Variants in MON2 observed in about 807,000 individuals in gnomAD.
MON2 encodes the protein protein MON2 homolog.
In MON2, 84 loss-of-function variants were observed where a neutral mutation model predicts 208.6. The ratio of observed to expected loss-of-function variants is 0.40; its 90% CI spans 0.34 to 0.48. MON2 has a LOEUF of 0.48. Among genes scored for constraint, MON2 ranks in the 20% least tolerant of loss-of-function variants. The pLI is 0.59. For missense variants in MON2, 1,611 were observed against 2,015.4 expected (o/e 0.80, Z 3.84); for synonymous variants, 660 against 694.0 (o/e 0.95, Z 0.77).
intron 20 of MON2, 141 bp from the exon 21 acceptor site, chr12:62,544,757 C>T: frequency 6.5e-7 from 1 of 1,532,650 alleles, no homozygotes; most frequent in Non-Finnish European, 8.8e-7. Flanking sequence ...TGCTCTTGCC[C>T]TTATTCAGAA....
At chr12:62,485,862 T>G (rs1004632933) in intron 2 of MON2, among the ~76,000 whole-genome samples, 7 of 151,990 alleles carry the variant, frequency 4.6e-5, no homozygotes, top group African/African-American at 1.7e-4. Context: ...CAACACCACA[T>G]CTGGCTAATT....
intron 32 of MON2, among the ~76,000 whole-genome samples, 179 bp from the exon 33 acceptor site, chr12:62,585,097 ACACACACACACACAAAAC>A (rs759614254): frequency 0.08 from 8,614 of 107,132 alleles, 592 homozygotes; most frequent in African/African-American, 0.13. Context: ...ACACACACAC[ACACACACACACACAAAAC>A]AAAAAAAAAC....
At chr12:62,547,422 G>A (rs2076394785) in intron 22 of MON2, among the ~76,000 whole-genome samples, 1 of 152,168 alleles carries the variant, frequency 6.6e-6, no homozygotes, top group Non-Finnish European at 1.5e-5. Context: ...TTGGGCTGTT[G>A]TGTTTTGTTA....
intron 32 of MON2, among the ~76,000 whole-genome samples, chr12:62,582,893 GAGAA>G (rs2075054418): frequency 6.6e-6 from 1 of 152,064 alleles, no homozygotes; most frequent in Non-Finnish European, 1.5e-5. Flanking sequence ...TAACACCAAA[GAGAA>G]AGACCAAAAC....
intron 34 of MON2, among the ~76,000 whole-genome samples, chr12:62,590,644 T>TTTTGTACACAAATGAATA (rs1228443241): frequency 6.6e-6 from 1 of 152,210 alleles, no homozygotes; most frequent in African/African-American, 2.4e-5. Context: ...CCCATCCCGG[T>TTTTGTACACAAATGAATA]TTTGTACACA....
rs769245479 is a variant in MON2 at position 62,526,008 on chromosome 12, G to A, written c.1306G>A (p.Gly436Ser). The change falls in exon 11 of 35, where the codon GGT becomes AGT. Residue 436 changes from glycine (G) to serine (S), a missense_variant. Transcript: ENST00000393630. ...APANSGMVGI[G>S]GGVTLLPAFE... ...AGCTAACTCAGGAATGGTGGGGATT[G>A]GTGGAGGTGTTACTTTGCTACCAGC... 1.2e-6 allele frequency: 2 copies of A among 1,613,742 alleles called. No individual in the cohort carries two copies. The highest frequency in any genetic ancestry group is 1.7e-5 in the Admixed American group (1 of 60,014).
At chr12:62,528,061 A>G (rs1229802096) in intron 11 of MON2, among the ~76,000 whole-genome samples, 1 of 152,146 alleles carries the variant, frequency 6.6e-6, no homozygotes, top group African/African-American at 2.4e-5. Context: ...CTGAATCTCT[A>G]AAGGAACATA....
intron 26 of MON2, among the ~76,000 whole-genome samples, chr12:62,561,570 G>A (rs1432118890): frequency 6.6e-6 from 1 of 151,960 alleles, no homozygotes; most frequent in Non-Finnish European, 1.5e-5. Flanking sequence ...GGTTTTTAAA[G>A]AGATTTATTT....
At chr12:62,545,943 G>A (rs2073464874) in intron 21 of MON2, among the ~76,000 whole-genome samples, 1 of 152,028 alleles carries the variant, frequency 6.6e-6, no homozygotes, top group African/African-American at 2.4e-5. Flanking sequence ...TTAATACTTA[G>A]TGCATAGTGA....
At chr12:62,565,678 TTC>T (rs2074353483) in intron 27 of MON2, among the ~76,000 whole-genome samples, 1 of 152,174 alleles carries the variant, frequency 6.6e-6, no homozygotes, top group Admixed American at 6.6e-5. Flanking sequence ...TTGTACCTCT[TTC>T]TTGGTTGCCC....
intron 14 of MON2, among the ~76,000 whole-genome samples, chr12:62,536,694 GTT>G (rs796857487): frequency 4.3e-5 from 6 of 140,038 alleles, no homozygotes; most frequent in Admixed American, 1.4e-4. Flanking sequence ...GTGTTTTTTT[GTT>G]TTTTTTTTTT....
intron 2 of MON2, among the ~76,000 whole-genome samples, chr12:62,489,182 G>A (rs1255765730): frequency 6.6e-6 from 1 of 152,016 alleles, no homozygotes; most frequent in Non-Finnish European, 1.5e-5. Context: ...CTTAGAATAT[G>A]TTACCATACT....
chr12:62,469,882 T>TTTTATTTATTTA lies in MON2; in HGVS notation c.111+2596_111+2607dup, dbSNP rs369624327. Among the ~76,000 whole-genome samples the TTTTATTTATTTA allele has an allele frequency of 1.4e-3, 164 of 117,860 alleles. 1 individual carries two copies. The highest frequency in any genetic ancestry group is 3.6e-3 in the African/African-American group (121 of 33,404). 77.3% of individuals were successfully genotyped at this position (117,860 alleles called of 152,430 possible). A position where few individuals can be genotyped will look rare whatever the true frequency, so the allele number is the denominator to read the frequency against. On this transcript the variant is annotated intron_variant, in intron 1 of 34. Coordinates refer to ENST00000393630, the MANE Select transcript of MON2 (RefSeq NM_015026.3). ...TTATGGCCATAGTGCTTGACTATTA[T>TTTTATTTATTTA]TTTATTTATTTATTTATTTATTTAT... is the stretch of plus-strand genomic sequence containing the variant.
At position 62,560,766 on chromosome 12, in the gene MON2, A is replaced by G. The variant is rs1592400388; in HGVS notation, c.3685A>G (p.Ile1229Val). 1 of 1,614,004 alleles carries G rather than the reference A, an allele frequency of 6.2e-7. No homozygotes were observed. Among genetic ancestry groups the G allele is most frequent in the South Asian group, 1.1e-5 (1 of 91,082 alleles). ...LGRYSSSEPPIVTDELEDLNL... is the reference protein window; with the variant it reads ...LGRYSSSEPPVVTDELEDLNL... ...AAGATATAGTAGCTCTGAGCCACCC[A>G]TTGTTACTGATGAGCTTGAAGATTT... The change falls in exon 26 of 35, where the codon ATT becomes GTT. Residue 1229 changes from isoleucine (I) to valine (V), a missense_variant. Coordinates refer to ENST00000393630, the MANE Select transcript of MON2 (RefSeq NM_015026.3).
rs998755661 is a variant in MON2, at chr12:62,594,061, AATGGATT to A, written c.*1321_*1327del. 6.6e-5 allele frequency: 10 copies of A among 152,256 alleles called. No homozygotes were observed. Among genetic ancestry groups the A allele is most frequent in the Admixed American group, 6.5e-4 (10 of 15,304 alleles). 9.4% of individuals were successfully genotyped at this position (152,256 alleles called of 1,614,324 possible). A position where few individuals can be genotyped will look rare whatever the true frequency, so the allele number is the denominator to read the frequency against. ...ACCTAGCTCACTGTATTTTTTATTT[AATGGATT>A]ATGGATTACAGTATTTTTCTTCTGA... On this transcript the variant is annotated 3_prime_UTR_variant, in exon 35 of 35. Transcript: ENST00000393630.
chr12:62,534,396 G>A (rs1341277873), intron 12 of MON2, among the ~76,000 whole-genome samples: 4 of 149,484 alleles, frequency 2.7e-5, no homozygotes, highest in African/African-American at 9.9e-5. Flanking sequence ...GCGTGTGTCT[G>A]TAATCCCAGC....
At chr12:62,470,305 C>T (rs138312667) in intron 1 of MON2, among the ~76,000 whole-genome samples, 17 of 152,260 alleles carry the variant, frequency 1.1e-4, no homozygotes, top group Middle Eastern at 3.4e-3. Context: ...GCTTTATTTA[C>T]TGATATTTAC....
intron 21 of MON2, 55 bp from the exon 22 acceptor site, chr12:62,546,842 G>C (rs1437859817): frequency 4.5e-6 from 6 of 1,332,010 alleles, no homozygotes; most frequent in African/African-American, 4.5e-5. Context: ...CAACAGTAAA[G>C]CCTTCTTGTC....
chr12:62,539,289 A>G (rs1489301305), intron 19 of MON2, among the ~76,000 whole-genome samples: 1 of 151,134 alleles, frequency 6.6e-6, no homozygotes, highest in Non-Finnish European at 1.5e-5. Flanking sequence ...TTTTTTTGAA[A>G]CGGAGTCTCG....
Sources: allele counts gnomAD v4.1 joint callset (sites outside exome capture counted in the v4.1 genomes callset), GRCh38; gene constraint gnomAD v4.1.1; transcripts MANE v1.5; gene names NCBI Gene and HGNC (gene_info 2026-07-23, HGNC 2026-07-21).